Variants in RAP1GAP observed in about 807,000 individuals in gnomAD.
RAP1GAP encodes the protein RAP1 GTPase activating protein.
RAP1GAP carries 35 observed loss-of-function variants against 87.2 expected under a neutral mutation model. The ratio of observed to expected loss-of-function variants is 0.40; its 90% CI spans 0.31 to 0.53. RAP1GAP has a LOEUF of 0.53. Among genes scored for constraint, RAP1GAP ranks in the 20% least tolerant of loss-of-function variants. The pLI is 0.48. For synonymous variants in RAP1GAP, 375 were observed against 363.9 expected (o/e 1.03, Z -0.35); for missense variants, 734 against 898.9 (o/e 0.82, Z 2.35).
chr1:21,656,906 G>A (rs983581439), intron 1 of RAP1GAP, among the ~76,000 whole-genome samples: 2 of 151,674 alleles, frequency 1.3e-5, no homozygotes, highest in African/African-American at 4.9e-5. Flanking sequence ...CAGCACCCAG[G>A]TGTACGGTCT....
At chr1:21,632,484 G>A (rs927344695) in intron 2 of RAP1GAP, among the ~76,000 whole-genome samples, 4 of 152,224 alleles carry the variant, frequency 2.6e-5, no homozygotes. Flanking sequence ...GAGGCTTGGA[G>A]AGGTGAAAAC....
intron 1 of RAP1GAP, among the ~76,000 whole-genome samples, chr1:21,666,385 G>A (rs116713929): frequency 0.023 from 3,498 of 152,300 alleles, 146 homozygotes; most frequent in African/African-American, 0.079. Flanking sequence ...CCCCAGAGCC[G>A]CTTGGAGCCT....
intron 3 of RAP1GAP, among the ~76,000 whole-genome samples, chr1:21,621,589 C>T (rs548941048): frequency 5.5e-4 from 84 of 152,314 alleles, no homozygotes; most frequent in African/African-American, 1.8e-3. Flanking sequence ...TTGAAAGAGA[C>T]AATTCCGCAG....
chr1:21,648,028 C>G (rs2096237110), intron 2 of RAP1GAP, among the ~76,000 whole-genome samples: 1 of 152,190 alleles, frequency 6.6e-6, no homozygotes, highest in African/African-American at 2.4e-5. Context: ...ATGGCCACCA[C>G]TGACGCATGG....
In RAP1GAP at chr1:21,609,364, A is replaced by G. The variant is rs1191371784; in HGVS notation, c.1071+211T>C. On this transcript the variant is annotated intron_variant, in intron 15 of 24. Transcript: ENST00000374765. The surrounding 1 kb of genome is among the most constrained non-coding windows in gnomAD (Gnocchi z 4.4). ...AGTCTACTATGGAAAGTGTAAAACA[A>G]TCGTGTAGTTTATCCTGTGACCTTG... Among the ~76,000 whole-genome samples, 1 of 151,720 alleles carries G rather than the reference A, an allele frequency of 6.6e-6. No homozygotes were observed. The highest frequency in any genetic ancestry group is 1.5e-5 in the Non-Finnish European group (1 of 67,964).
chr1:21,617,241 C>T, intron 7 of RAP1GAP, 65 bp downstream of exon 7: 3 of 1,517,600 alleles, frequency 2.0e-6, no homozygotes, highest in Non-Finnish European at 2.7e-6. Context: ...CTCCCAGGCC[C>T]ACCTCGAATG....
At chr1:21,629,539 C>CT (rs139171697) in intron 2 of RAP1GAP, among the ~76,000 whole-genome samples, 1 of 152,260 alleles carries the variant, frequency 6.6e-6, no homozygotes, top group Non-Finnish European at 1.5e-5. Flanking sequence ...CAGTCCTGTC[C>CT]CCCGAAGGCA....
chr1:21,639,428 C>G (rs2095290844), intron 2 of RAP1GAP, among the ~76,000 whole-genome samples: 1 of 152,254 alleles, frequency 6.6e-6, no homozygotes, highest in African/African-American at 2.4e-5. Context: ...GGCCAGAGAA[C>G]AAGACCTGAA....
In RAP1GAP at chr1:21,597,682, TA is replaced by T; in HGVS notation, c.*34+3del. ...CAAACACAAGCTGAGGGGCTGGGTC[TA>T]ACCTGCTCAGTTTCACCTTCAGAGG... On this transcript the variant is annotated splice_donor_region_variant and intron_variant, in intron 24 of 24. Transcript: ENST00000374765. 6.2e-7 allele frequency: 1 copy of T among 1,605,500 alleles called. No homozygotes were observed.
At chr1:21,640,180 C>T (rs1323139482) in intron 2 of RAP1GAP, among the ~76,000 whole-genome samples, 2 of 151,906 alleles carry the variant, frequency 1.3e-5, no homozygotes, top group Non-Finnish European at 1.5e-5. Flanking sequence ...ACACGCTGTG[C>T]CCCCTGCCTG....
intron 2 of RAP1GAP, among the ~76,000 whole-genome samples, chr1:21,635,512 C>T (rs1179698909): frequency 6.6e-6 from 1 of 152,204 alleles, no homozygotes; most frequent in African/African-American, 2.4e-5. Flanking sequence ...AGCAGAGCCC[C>T]AAAGATACCT....
intron 2 of RAP1GAP, among the ~76,000 whole-genome samples, chr1:21,639,370 C>G (rs2095283086): frequency 6.6e-6 from 1 of 152,202 alleles, no homozygotes; most frequent in African/African-American, 2.4e-5. Flanking sequence ...TTCTCAGTGA[C>G]AGCCTGGAAA....
In RAP1GAP at chr1:21,622,970, G is replaced by C. The variant is rs2089768736; in HGVS notation, c.-18-2920C>G. The C allele has an allele frequency of 1.3e-5, 2 of 151,932 alleles. No homozygotes were observed. Among genetic ancestry groups the C allele is most frequent in the African/African-American group, 4.8e-5 (2 of 41,286 alleles). 9.4% of individuals were successfully genotyped at this position (151,932 alleles called of 1,614,324 possible). On this transcript the variant is annotated intron_variant, in intron 3 of 24. Coordinates refer to ENST00000374765, the MANE Select transcript of RAP1GAP (RefSeq NM_002885.4). This position sits in a 1 kb window ranked among gnomAD's most constrained non-coding sequence, Gnocchi z 5.7. The stretch of plus-strand genomic sequence containing the variant: ...TATACAGATGAGAAGCCGGTTCCAA[G>C]AGGTGAAATAGCTTGCCCGAGACCA...
At chr1:21,643,535 C>A (rs939209153) in intron 2 of RAP1GAP, among the ~76,000 whole-genome samples, 1 of 128,054 alleles carries the variant, frequency 7.8e-6, no homozygotes, top group South Asian at 2.4e-4. Flanking sequence ...CCAGCCTGGG[C>A]GAGACAGCAA....
intron 19 of RAP1GAP, among the ~76,000 whole-genome samples, chr1:21,602,452 C>T (rs913276328): frequency 1.3e-5 from 2 of 152,362 alleles, no homozygotes; most frequent in South Asian, 2.1e-4. Context: ...TGTGGCCACC[C>T]TGAAAACCAG....
Position 21,609,733 on chromosome 1 carries a change from G to T in RAP1GAP, c.1000-87C>A. On this transcript the variant is annotated intron_variant, in intron 14 of 24. Coordinates refer to ENST00000374765, the MANE Select transcript of RAP1GAP (RefSeq NM_002885.4). This position sits in a 1 kb window ranked among gnomAD's most constrained non-coding sequence, Gnocchi z 4.4. Reference sequence around the variant, plus strand: ...CAGAAACCCCTACTGTGCCTCCCTGGACTGCCCCTTGGTCGGGGAGACCCA... The same window carrying T: ...CAGAAACCCCTACTGTGCCTCCCTGTACTGCCCCTTGGTCGGGGAGACCCA... 1 of 1,018,656 alleles carries T rather than the reference G, an allele frequency of 9.8e-7. No individual in the cohort carries two copies. The highest frequency in any genetic ancestry group is 1.4e-6 in the Non-Finnish European group (1 of 714,178). 63.1% of individuals were successfully genotyped at this position (1,018,656 alleles called of 1,614,324 possible).
At chr1:21,601,645 C>T (rs369654220) in intron 20 of RAP1GAP, 39 bp downstream of exon 20, 2 of 1,501,388 alleles carry the variant, frequency 1.3e-6, no homozygotes, top group Non-Finnish European at 1.8e-6. Context: ...CGGTTCACCA[C>T]TCCCAAGCCC....
At position 21,597,986 on chromosome 1, in the gene RAP1GAP, G is replaced by T; in HGVS notation, c.1958C>A (p.Ala653Glu). Residue 653 changes from alanine (A) to glutamate (E), a missense_variant, in exon 23 of 25, where the codon GCA (alanine) becomes GAA (glutamate). Around this residue, in one of 2 missense-constraint regions of RAP1GAP, gnomAD observed 249 missense variants for 252.7 expected, o/e 0.99. Coordinates refer to ENST00000374765, the MANE Select transcript of RAP1GAP (RefSeq NM_002885.4). ...CAGCTGGGGCATGTGCTGCTCAGAT[G>T]CTTCCAGCTGGATCTTGATCTCGGG... ...ACPEIKIQLEASEQHMPQLGC is the reference protein window; with the variant it reads ...ACPEIKIQLEESEQHMPQLGC The T allele has an allele frequency of 6.3e-7, 1 of 1,576,382 alleles. No homozygotes were observed. The highest frequency in any genetic ancestry group is 1.9e-5 in the Admixed American group (1 of 53,690).
At position 21,608,830 on chromosome 1, in the gene RAP1GAP, C is replaced by G; in HGVS notation, c.1158+20G>C. 1 of 1,603,498 alleles carries G rather than the reference C, an allele frequency of 6.2e-7. No individual in the cohort carries two copies. Among genetic ancestry groups the G allele is most frequent in the Non-Finnish European group, 8.5e-7 (1 of 1,170,330 alleles). ...GGAAGGTGAGAAGAGGGTCACCCAG[C>G]CCTCACAGCCCATCCTCACCTCCAG... On this transcript the variant is annotated intron_variant, in intron 16 of 24. Transcript: ENST00000374765.
Sources: gnomAD v4.1 joint callset for allele counts (sites outside exome capture counted in the v4.1 genomes callset) on GRCh38, gnomAD v4.1.1 for gene constraint, gnomAD v4.1.1 regional missense constraint, Gnocchi (gnomAD v3.1) non-coding constraint, MANE v1.5 for transcripts, NCBI Gene and HGNC (gene_info 2026-07-23, HGNC 2026-07-21) for gene names.